Variants in KDM4C observed in about 807,000 individuals in gnomAD.
KDM4C encodes the protein lysine-specific demethylase 4C.
Under a neutral mutation model 129.3 loss-of-function variants are expected in KDM4C, and 81 were observed. That is an observed-to-expected ratio of 0.63 (90% CI 0.52 to 0.75). The LOEUF (loss-of-function observed/expected upper bound fraction) is 0.75. Among genes scored for constraint, KDM4C ranks in the 30% least tolerant of loss-of-function variants. The pLI is 0.00. For missense variants in KDM4C, 1,457 were observed against 1,304.0 expected (o/e 1.12, Z -1.81); for synonymous variants, 573 against 456.1 (o/e 1.26, Z -3.26).
At chr9:6,741,676 CTTTT>C (rs71315557) in intron 1 of KDM4C, among the ~76,000 whole-genome samples, 1 of 94,070 alleles carries the variant, frequency 1.1e-5, no homozygotes, top group East Asian at 3.0e-4. Flanking sequence ...GGTGGCAGCT[CTTTT>C]TTTTTTTTTT....
intron 19 of KDM4C, among the ~76,000 whole-genome samples, chr9:7,132,806 T>C (rs1027041041): frequency 2.0e-5 from 3 of 152,160 alleles, no homozygotes; most frequent in African/African-American, 7.2e-5. Context: ...TGAGCTCACT[T>C]TGAGGGAGGA....
chr9:7,066,624 C>T (rs1283244470), intron 17 of KDM4C, among the ~76,000 whole-genome samples: 1 of 152,224 alleles, frequency 6.6e-6, no homozygotes, highest in African/African-American at 2.4e-5. Flanking sequence ...TATTTGTTAA[C>T]ATAAAATTTT....
intron 17 of KDM4C, among the ~76,000 whole-genome samples, chr9:7,062,743 GAATCT>G (rs1831884768): frequency 6.6e-6 from 1 of 151,930 alleles, no homozygotes; most frequent in Non-Finnish European, 1.5e-5. Flanking sequence ...TGTTTTAAGG[GAATCT>G]GTGGAAGGGG....
At chr9:7,040,353 C>G (rs968260795) in intron 15 of KDM4C, among the ~76,000 whole-genome samples, 1 of 136,570 alleles carries the variant, frequency 7.3e-6, no homozygotes, top group Non-Finnish European at 1.6e-5. Context: ...CTCTTTCCCT[C>G]TCTCTCTACC....
chr9:6,875,706 C>T (rs1843444186), intron 5 of KDM4C, among the ~76,000 whole-genome samples: 1 of 152,152 alleles, frequency 6.6e-6, no homozygotes, highest in Admixed American at 6.5e-5. Context: ...CTTGATGTTG[C>T]TGAGATCCAT....
intron 2 of KDM4C, among the ~76,000 whole-genome samples, chr9:6,803,612 T>C (rs1829416582): frequency 6.6e-6 from 1 of 150,706 alleles, no homozygotes; most frequent in Non-Finnish European, 1.5e-5. Flanking sequence ...TTAAAAAAAC[T>C]TCTAAAGGTG....
intron 3 of KDM4C, among the ~76,000 whole-genome samples, chr9:6,812,479 A>G (rs978250816): frequency 1.3e-5 from 2 of 152,084 alleles, no homozygotes; most frequent in Admixed American, 1.3e-4. Context: ...GAGTGGTGGG[A>G]TGGTTTCGGG....
At chr9:7,163,077 G>A (rs549093605) in intron 19 of KDM4C, among the ~76,000 whole-genome samples, 1 of 152,202 alleles carries the variant, frequency 6.6e-6, no homozygotes, top group Non-Finnish European at 1.5e-5. Flanking sequence ...TCCTCTCCGT[G>A]GAAGGAGCAG....
At chr9:6,960,561 T>G (rs911161842) in intron 8 of KDM4C, among the ~76,000 whole-genome samples, 1 of 152,068 alleles carries the variant, frequency 6.6e-6, no homozygotes, top group African/African-American at 2.4e-5. Flanking sequence ...GCGTGGCCTA[T>G]AAAAAGGAAG....
At chr9:7,152,511 A>G (rs1406010373) in intron 19 of KDM4C, among the ~76,000 whole-genome samples, 3 of 152,250 alleles carry the variant, frequency 2.0e-5, no homozygotes, top group East Asian at 1.9e-4. Context: ...TCTCAGAGAC[A>G]GAAAGGAGAA....
intron 7 of KDM4C, among the ~76,000 whole-genome samples, chr9:6,889,500 A>G (rs1845814704): frequency 6.6e-6 from 1 of 152,028 alleles, no homozygotes; most frequent in Non-Finnish European, 1.5e-5. Context: ...GATGGGCTGC[A>G]GAACTGCTGG....
intron 4 of KDM4C, among the ~76,000 whole-genome samples, chr9:6,822,726 A>G (rs1299295836): frequency 1.3e-5 from 2 of 152,254 alleles, no homozygotes; most frequent in African/African-American, 4.8e-5. Flanking sequence ...AAACAAAACA[A>G]ACACACAAAG....
intron 7 of KDM4C, among the ~76,000 whole-genome samples, chr9:6,892,205 G>GGT (rs1447821146): frequency 6.6e-6 from 1 of 152,042 alleles, no homozygotes; most frequent in Non-Finnish European, 1.5e-5. Flanking sequence ...TATCCTATTG[G>GGT]GTGCTGCTGG....
At chr9:6,858,241 C>T (rs1301201757) in intron 5 of KDM4C, among the ~76,000 whole-genome samples, 1 of 141,730 alleles carries the variant, frequency 7.1e-6, no homozygotes, top group African/African-American at 2.6e-5. Flanking sequence ...TTGTTATTAG[C>T]AATGTTCCAA....
At position 6,737,205 on chromosome 9, in the gene KDM4C, C is replaced by G. The variant is rs143804130; in HGVS notation, c.49+16208C>G. Among the ~76,000 whole-genome samples the G allele has an allele frequency of 1.3e-3, 192 of 151,910 alleles. 2 individuals are homozygous for G. The East Asian group carries it at 0.018, about 14-fold the overall frequency. On this transcript the variant is annotated intron_variant, in intron 1 of 17. Transcript: ENST00000536108. Reference sequence around the variant, plus strand: ...AACGGGACCTAATTAAAGTAAAGAGCTTCTGCACAGTAAAAGAAACTATCA... The same window carrying G: ...AACGGGACCTAATTAAAGTAAAGAGGTTCTGCACAGTAAAAGAAACTATCA...
chr9:7,094,192 G>A (rs953223657), intron 17 of KDM4C, among the ~76,000 whole-genome samples: 27 of 152,142 alleles, frequency 1.8e-4, no homozygotes, highest in African/African-American at 5.1e-4. Context: ...AAAGGAAGTC[G>A]GCCTGAATAA....
In KDM4C at chr9:6,787,946, C is replaced by T. The variant is rs560738423; in HGVS notation, c.-17-5026C>T. 9.9e-5 allele frequency among the ~76,000 whole-genome samples: 15 copies of T among 152,250 alleles called. No homozygotes were observed. In the East Asian group the frequency reaches 1.9e-3, roughly 20 times the overall value. On this transcript the variant is annotated intron_variant, in intron 1 of 21. Coordinates refer to ENST00000381309, the MANE Select transcript of KDM4C (RefSeq NM_015061.6). ...GAGTAAATGCCAAACTCCTTTTCTC[C>T]CCAGTTTCATTTCTCACCATTCTCC...
intron 17 of KDM4C, among the ~76,000 whole-genome samples, chr9:7,090,787 G>A (rs1006488877): frequency 2.4e-4 from 37 of 152,312 alleles, no homozygotes; most frequent in African/African-American, 8.4e-4. Flanking sequence ...CACGTTGTAA[G>A]AATATATGTT....
intron 17 of KDM4C, among the ~76,000 whole-genome samples, chr9:7,050,134 T>C (rs1023484359): frequency 9.2e-5 from 14 of 152,048 alleles, no homozygotes; most frequent in African/African-American, 3.4e-4. Flanking sequence ...TAGCCTACTG[T>C]ATTTTGTTTT....
Sources: gnomAD v4.1 joint callset for allele counts (sites outside exome capture counted in the v4.1 genomes callset) on GRCh38, gnomAD v4.1.1 for gene constraint, MANE v1.5 for transcripts, NCBI Gene and HGNC (gene_info 2026-07-23, HGNC 2026-07-21) for gene names.